PKP4: variants seen among roughly 807,000 people sequenced by gnomAD.
The protein encoded by PKP4 is plakophilin-4.
A neutral mutation model predicts 145.1 loss-of-function variants in PKP4; 90 were observed. The observed-to-expected ratio is 0.62, with a 90% CI of 0.52 to 0.74. The LOEUF is 0.74. Ranked by LOEUF, PKP4 falls within the 30% of genes least tolerant of loss-of-function variation. The probability of loss-of-function intolerance (pLI) is 0.00; values close to 1 mark genes in which losing one functional copy is unlikely to be tolerated. For missense variants in PKP4, 1,340 were observed against 1,482.7 expected, an observed-to-expected ratio of 0.90 and a Z score of 1.58; for synonymous variants, 563 against 577.2, an observed-to-expected ratio of 0.98 and a Z score of 0.35.
intron 11 of PKP4, among the ~76,000 whole-genome samples, chr2:158,650,775 A>C (rs1340417576): frequency 2.0e-5 from 3 of 152,176 alleles, no homozygotes; most frequent in Non-Finnish European, 4.4e-5. Context: ...GTGCCCCATG[A>C]GGATTATGCA....
At chr2:158,472,840 A>G (rs1691814547) in intron 1 of PKP4, among the ~76,000 whole-genome samples, 1 of 152,166 alleles carries the variant, frequency 6.6e-6, no homozygotes, top group South Asian at 2.1e-4. Flanking sequence ...CAAGCATGAA[A>G]TGTTAAAATA....
intron 1 of PKP4, among the ~76,000 whole-genome samples, chr2:158,514,526 T>G (rs2041778892): frequency 6.6e-6 from 1 of 152,204 alleles, no homozygotes; most frequent in Non-Finnish European, 1.5e-5. Flanking sequence ...TCCTCTATCC[T>G]GCTGAAGACC....
intron 18 of PKP4, 34 bp downstream of exon 18, chr2:158,673,795 A>G (rs777641675): frequency 1.3e-6 from 2 of 1,487,146 alleles, no homozygotes; most frequent in South Asian, 1.1e-5. Flanking sequence ...CATAATTAGC[A>G]TTCATCAGAG....
chr2:158,492,171 TTG>T (rs1395618324), intron 1 of PKP4, among the ~76,000 whole-genome samples: 2 of 151,914 alleles, frequency 1.3e-5, no homozygotes, highest in Non-Finnish European at 2.9e-5. Context: ...GGAGTCTACG[TTG>T]TGTCACTGCC....
intron 3 of PKP4, among the ~76,000 whole-genome samples, chr2:158,595,475 G>C (rs930173071): frequency 2.0e-5 from 3 of 152,096 alleles, no homozygotes; most frequent in African/African-American, 7.2e-5. Flanking sequence ...AAATTCACGA[G>C]CACTCAAGAA....
intron 1 of PKP4, among the ~76,000 whole-genome samples, chr2:158,475,881 A>G (rs1692392365): frequency 6.6e-6 from 1 of 152,182 alleles, no homozygotes; most frequent in Non-Finnish European, 1.5e-5. Flanking sequence ...CCCAATACAG[A>G]CTGTTATGAT....
intron 2 of PKP4, among the ~76,000 whole-genome samples, chr2:158,552,448 G>C (rs2045714357): frequency 6.6e-6 from 1 of 152,186 alleles, no homozygotes; most frequent in South Asian, 2.1e-4. Context: ...TAAAAATGTG[G>C]AATTGCTGTG....
chr2:158,560,168 G>A (rs914354524), intron 2 of PKP4, among the ~76,000 whole-genome samples: 1 of 152,078 alleles, frequency 6.6e-6, no homozygotes, highest in African/African-American at 2.4e-5. Context: ...TGCCTGGCTG[G>A]CATTGATATT....
At chr2:158,474,105 C>T (rs1692049577) in intron 1 of PKP4, among the ~76,000 whole-genome samples, 1 of 152,020 alleles carries the variant, frequency 6.6e-6, no homozygotes, top group Admixed American at 6.6e-5. Context: ...AATTGTTTTA[C>T]TTCTTTCATC....
chr2:158,599,046 G>A (rs2050010317), intron 3 of PKP4, among the ~76,000 whole-genome samples: 1 of 152,192 alleles, frequency 6.6e-6, no homozygotes, highest in Admixed American at 6.5e-5. Context: ...ACTAGGAGGA[G>A]CCAGGTGGTG....
intron 1 of PKP4, among the ~76,000 whole-genome samples, chr2:158,509,585 G>A (rs1382921366): frequency 2.0e-5 from 3 of 152,146 alleles, no homozygotes; most frequent in Admixed American, 2.0e-4. Context: ...TGGAATTATA[G>A]CTCTGATTTA....
chr2:158,569,514 T>G (rs961938578), intron 2 of PKP4, among the ~76,000 whole-genome samples: 7 of 152,238 alleles, frequency 4.6e-5, no homozygotes, highest in Non-Finnish European at 8.8e-5. Context: ...GCTAACCCTT[T>G]GTAGTGCCCT....
intron 15 of PKP4, among the ~76,000 whole-genome samples, chr2:158,664,127 C>A (rs2056868089): frequency 6.6e-6 from 1 of 152,190 alleles, no homozygotes; most frequent in African/African-American, 2.4e-5. Context: ...CCCCCACTTC[C>A]ATGGCAGTGC....
intron 4 of PKP4, among the ~76,000 whole-genome samples, chr2:158,615,818 G>A (rs1019962681): frequency 1.3e-5 from 2 of 152,152 alleles, no homozygotes; most frequent in African/African-American, 2.4e-5. Context: ...AAGATACTTC[G>A]TTAATGGTTT....
At chr2:158,481,631 A>G (rs945151878) in intron 1 of PKP4, among the ~76,000 whole-genome samples, 4 of 152,176 alleles carry the variant, frequency 2.6e-5, no homozygotes, top group Non-Finnish European at 4.4e-5. Context: ...ACATTTCCCT[A>G]ATGACTAGAT....
Position 158,621,354 on chromosome 2 carries a change from C to T in PKP4, c.536C>T (p.Ser179Leu), listed in dbSNP as rs1403374527. The stretch of plus-strand genomic sequence containing the variant: ...AAGGCAGACAACAGACAGCAGCATT[C>T]ATTCATAGGATCAACTAACAACCAT... ...VSKADNRQQH[S>L]FIGSTNNHVV... is the part of the protein sequence containing the mutation. Residue 179 changes from serine (S) to leucine (L), a missense_variant, in exon 6 of 22, where the codon TCA (serine) becomes TTA (leucine). Transcript: ENST00000389759. 6.2e-7 allele frequency: 1 copy of T among 1,614,032 alleles called. No homozygotes were observed. Among genetic ancestry groups the T allele is most frequent in the African/African-American group, 1.3e-5 (1 of 74,934 alleles).
intron 19 of PKP4, among the ~76,000 whole-genome samples, chr2:158,675,590 T>G (rs915133342): frequency 2.6e-5 from 4 of 152,224 alleles, no homozygotes; most frequent in Non-Finnish European, 4.4e-5. Flanking sequence ...TCTCCAGTTA[T>G]TCTAAGGGCT....
intron 4 of PKP4, among the ~76,000 whole-genome samples, chr2:158,614,577 A>G (rs2051416546): frequency 6.6e-6 from 1 of 152,208 alleles, no homozygotes; most frequent in Admixed American, 6.5e-5. Context: ...AGAACGATAG[A>G]TGTCTCAATA....
intron 1 of PKP4, among the ~76,000 whole-genome samples, chr2:158,510,284 A>C (rs368334948): frequency 6.6e-6 from 1 of 152,022 alleles, no homozygotes; most frequent in Non-Finnish European, 1.5e-5. Flanking sequence ...TCTATTTTCA[A>C]CTCCTCAAAT....
Sources: allele counts gnomAD v4.1 joint callset (sites outside exome capture counted in the v4.1 genomes callset), GRCh38; gene constraint gnomAD v4.1.1; transcripts MANE v1.5; gene names NCBI Gene and HGNC (gene_info 2026-07-23, HGNC 2026-07-21).